Variants in GMPR2 observed in about 807,000 individuals in gnomAD.
The protein encoded by GMPR2 is GMP reductase 2.
In GMPR2, 32 loss-of-function variants were observed where a neutral mutation model predicts 38.5. The ratio of observed to expected loss-of-function variants is 0.83; its 90% CI spans 0.63 to 1.12. The LOEUF (loss-of-function observed/expected upper bound fraction) is 1.12, where lower values mean the gene tolerates loss of function less well. Ranked by LOEUF, GMPR2 falls within the 50% of genes most tolerant of loss-of-function variation. The pLI is 0.00. For synonymous variants in GMPR2, 154 were observed against 151.0 expected (o/e 1.02, Z -0.15); for missense variants, 396 against 432.1 (o/e 0.92, Z 0.74).
At chr14:24,236,826 T>C (rs1389035829) in intron 5 of GMPR2, 3 of 437,932 alleles carry the variant, frequency 6.9e-6, no homozygotes, top group Non-Finnish European at 1.2e-5. Context: ...GACCTCGGCT[T>C]TACCCTAGGT....
Position 24,238,660 on chromosome 14 carries a change from G to C in GMPR2, c.929G>C (p.Gly310Ala). The change falls in exon 10 of 10, where the codon GGA becomes GCA. Residue 310 changes from glycine (G) to alanine (A), a missense_variant. Physicochemically the swap from Gly to Ala is moderately conservative, Grantham distance 60. Coordinates refer to ENST00000399440, the MANE Select transcript of GMPR2 (RefSeq NM_001002002.3). ...DVEHTIRDIL[G>A]GIRSTCTYVG... Reference sequence around the variant, plus strand: ...GAACATACCATCCGAGACATCCTAGGAGGGATCCGCTCTACGTGTACCTAT... The same window carrying C: ...GAACATACCATCCGAGACATCCTAGCAGGGATCCGCTCTACGTGTACCTAT... 6.2e-7 allele frequency: 1 copy of C among 1,613,966 alleles called. No homozygotes were observed. The highest frequency in any genetic ancestry group is 8.5e-7 in the Non-Finnish European group (1 of 1,179,884).
chr14:24,237,717 G>A, intron 8 of GMPR2, 155 bp downstream of exon 8: 4 of 693,188 alleles, frequency 5.8e-6, no homozygotes, highest in Non-Finnish European at 9.9e-6. Context: ...ATCTGGGGCA[G>A]CCAGCAGGGG....
chr14:24,233,183 G>A, intron 1 of GMPR2, 36 bp from the exon 2 acceptor site: 1 of 1,612,386 alleles, frequency 6.2e-7, no homozygotes, highest in Non-Finnish European at 8.5e-7. Flanking sequence ...TTAAAGCCCA[G>A]GGGAAGATTG....
intron 5 of GMPR2, among the ~76,000 whole-genome samples, chr14:24,236,622 C>T (rs2040357455): frequency 1.3e-5 from 2 of 152,174 alleles, no homozygotes; most frequent in Admixed American, 6.6e-5. Flanking sequence ...TCCCTGAAGC[C>T]AGACAGGTTC....
chr14:24,234,922 A>C (rs767887491), intron 3 of GMPR2, among the ~76,000 whole-genome samples: 1 of 152,246 alleles, frequency 6.6e-6, no homozygotes, highest in African/African-American at 2.4e-5. Context: ...TAGCTAATAC[A>C]TGACTTCCTT....
At chr14:24,232,795 T>G (rs1391901667), upstream of GMPR2, 1 of 237,434 alleles carries the variant, frequency 4.2e-6, no homozygotes, top group South Asian at 5.6e-5. Context: ...CGAGGTTAGT[T>G]GCTAAGCAAG....
chr14:24,237,767 A>G, intron 8 of GMPR2: 1 of 607,640 alleles, frequency 1.6e-6, no homozygotes, highest in Non-Finnish European at 2.9e-6. Flanking sequence ...CCATCTGACC[A>G]TCTCCTAGAT....
chr14:24,237,922 C>G lies in GMPR2; in HGVS notation c.698-324C>G, dbSNP rs2040423734. ...AAGTTGGGGATCTTTGCTCTTGGGA[C>G]ACATGAAATGAGTCTTATTTAGCTG... On this transcript the variant is annotated intron_variant, in intron 8 of 9. Transcript: ENST00000399440. 8.5e-6 allele frequency: 4 copies of G among 471,006 alleles called. No individual in the cohort carries two copies. In the South Asian group the frequency reaches 1.1e-4, roughly 13 times the overall value. The allele number at this position is 471,006 out of a possible 1,614,324, so 29.2% of individuals were successfully genotyped here.
chr14:24,238,478 C>T, intron 9 of GMPR2, 73 bp downstream of exon 9: 1 of 1,613,932 alleles, frequency 6.2e-7, no homozygotes, highest in Non-Finnish European at 8.5e-7. Flanking sequence ...GGGGATGGTA[C>T]AGTTCTCAGA....
chr14:24,235,469 C>T, intron 3 of GMPR2: 1 of 494,382 alleles, frequency 2.0e-6, no homozygotes, highest in Non-Finnish European at 3.6e-6. Context: ...AAGTCAGAAG[C>T]AGTGAATGTG....
intron 3 of GMPR2, among the ~76,000 whole-genome samples, chr14:24,234,495 T>G (rs2040243088): frequency 6.6e-6 from 1 of 152,248 alleles, no homozygotes. Flanking sequence ...TTGCCCACTG[T>G]CCATCTGCCC....
Position 24,238,632 on chromosome 14 carries a change from G to A in GMPR2, c.901G>A (p.Val301Met), listed in dbSNP as rs200781258. ...KTVEVPFKGD[V>M]EHTIRDILGG... ...AGTGGAAGTTCCTTTTAAAGGAGAT[G>A]TGGAACATACCATCCGAGACATCCT... The change falls in exon 10 of 10, where the codon GTG becomes ATG. Residue 301 changes from valine to methionine, a missense_variant. Physicochemically the swap from Val to Met is conservative, Grantham distance 21. Coordinates refer to ENST00000399440, the MANE Select transcript of GMPR2 (RefSeq NM_001002002.3). The A allele has an allele frequency of 3.7e-6, 6 of 1,614,170 alleles. No individual in the cohort carries two copies. The highest frequency in any genetic ancestry group is 1.3e-5 in the African/African-American group (1 of 75,044).
chr14:24,232,797 C>T (rs544578831), upstream of GMPR2: 1 of 238,324 alleles, frequency 4.2e-6, no homozygotes, highest in African/African-American at 2.3e-5. Context: ...AGGTTAGTTG[C>T]TAAGCAAGGT....
intron 3 of GMPR2, chr14:24,234,068 A>G: frequency 7.9e-7 from 1 of 1,270,020 alleles, no homozygotes; most frequent in Non-Finnish European, 1.0e-6. Context: ...ATAAAAGAAT[A>G]CTTCTGCCAT....
chr14:24,233,828 G>C (rs1317920996), intron 3 of GMPR2: 1 of 619,268 alleles, frequency 1.6e-6, no homozygotes, highest in Non-Finnish European at 2.8e-6. Context: ...TCTGATATAT[G>C]AACAGAATTT....
rs1183541096 is a variant in GMPR2 at position 24,233,541 on chromosome 14, C to T, written c.150C>T (p.Ile50=). The T allele has an allele frequency of 1.2e-6, 2 of 1,613,954 alleles. No homozygotes were observed. Among genetic ancestry groups the T allele is most frequent in the Admixed American group, 1.7e-5 (1 of 60,022 alleles). The change falls in exon 3 of 10, where the codon ATC becomes ATT. Residue 50 remains isoleucine, a synonymous_variant. Coordinates refer to ENST00000399440, the MANE Select transcript of GMPR2 (RefSeq NM_001002002.3). ...AGCAGACATACTCTGGGGTTCCCAT[C>T]ATTGCTGCCAATATGGATACTGTGG... The part of the protein sequence containing the change: ...NSKQTYSGVP[I]IAANMDTVGT...
Position 24,238,794 on chromosome 14 carries a change from C to T in GMPR2, c.*16C>T, listed in dbSNP as rs551214096. ...GGCGTGCTAGACCTGAGCAGTTCTA[C>T]CCTCCCAAGGCACCAGTACTCTACC... On this transcript the variant is annotated 3_prime_UTR_variant, in exon 10 of 10. Coordinates refer to ENST00000399440, the MANE Select transcript of GMPR2 (RefSeq NM_001002002.3). 4 of 1,606,404 alleles carry T rather than the reference C, an allele frequency of 2.5e-6. No individual in the cohort carries two copies. In the South Asian group the frequency reaches 4.4e-5, roughly 18 times the overall value.
At position 24,238,758 on chromosome 14, in the gene GMPR2, A is replaced by G. The variant is rs374209364; in HGVS notation, c.1027A>G (p.Ile343Val). Reference sequence around the variant, plus strand: ...CCGAGTCACCCAGCAGGTGAATCCAATCTTCAGTGAGGCGTGCTAGACCTG... The same window carrying G: ...CCGAGTCACCCAGCAGGTGAATCCAGTCTTCAGTGAGGCGTGCTAGACCTG... ...FIRVTQQVNPIFSEAC is the reference protein window; with the variant it reads ...FIRVTQQVNPVFSEAC Residue 343 changes from isoleucine to valine, a missense_variant, in exon 10 of 10, where the codon ATC (isoleucine) becomes GTC (valine). Ile to Val is a conservative substitution (Grantham distance 29, BLOSUM62 3). Coordinates refer to ENST00000399440, the MANE Select transcript of GMPR2 (RefSeq NM_001002002.3). The G allele has an allele frequency of 4.7e-5, 76 of 1,613,452 alleles. No individual in the cohort carries two copies. Among genetic ancestry groups the G allele is most frequent in the East Asian group, 2.5e-4 (11 of 44,896 alleles).
At chr14:24,235,928 A>T (rs746337287) in intron 4 of GMPR2, 39 bp from the exon 5 acceptor site, 1 of 1,607,408 alleles carries the variant, frequency 6.2e-7, no homozygotes. Flanking sequence ...TGCCCACCAG[A>T]TCATCTCTGA....
Sources: allele counts gnomAD v4.1 joint callset (sites outside exome capture counted in the v4.1 genomes callset), GRCh38; gene constraint gnomAD v4.1.1; transcripts MANE v1.5; gene names NCBI Gene and HGNC (gene_info 2026-07-23, HGNC 2026-07-21).